The following VSNL1 variants were observed in gnomAD, a reference collection of about 807,000 sequenced individuals.
VSNL1 encodes visinin like 1.
VSNL1 carries 6 observed loss-of-function variants against 20.4 expected under a neutral mutation model. The ratio of observed to expected loss-of-function variants is 0.29; its 90% confidence interval spans 0.16 to 0.58. The LOEUF (loss-of-function observed/expected upper bound fraction) is 0.58. Among genes scored for constraint, VSNL1 ranks in the 20% least tolerant of loss-of-function variants. The probability of loss-of-function intolerance (pLI) is 0.90; values close to 1 mark genes in which losing one functional copy is unlikely to be tolerated. For missense variants in VSNL1, 100 were observed against 234.5 expected, an observed-to-expected ratio of 0.43 and a Z score of 3.75; for synonymous variants, 93 against 86.4, an observed-to-expected ratio of 1.08 and a Z score of -0.42.
chr2:17,642,676 T>C (rs1357670679), intron 2 of VSNL1, among the ~76,000 whole-genome samples: 2 of 152,180 alleles, frequency 1.3e-5, no homozygotes, highest in Non-Finnish European at 2.9e-5. Context: ...TCATTCTCAT[T>C]TTTTATAAAA....
At chr2:17,643,929 G>A (rs1446847891) in intron 2 of VSNL1, among the ~76,000 whole-genome samples, 1 of 152,138 alleles carries the variant, frequency 6.6e-6, no homozygotes, top group African/African-American at 2.4e-5. Context: ...ACCAGAAGCT[G>A]GACACAGAGG....
rs77474964 is a variant in VSNL1, at chr2:17,569,485, C to G, written c.-5-22585C>G. On this transcript the variant is annotated intron_variant, in intron 1 of 3. Coordinates refer to ENST00000295156, the MANE Select transcript of VSNL1 (RefSeq NM_003385.5). Reference sequence around the variant, plus strand: ...TCCATGGTTTAATTTCTCTCCTACTCTCTGTCTTATCTCGCTTTGGAGCTA... The same window carrying G: ...TCCATGGTTTAATTTCTCTCCTACTGTCTGTCTTATCTCGCTTTGGAGCTA... Among the ~76,000 whole-genome samples, 10 of 152,056 alleles carry G rather than the reference C, an allele frequency of 6.6e-5. No homozygotes were observed. The South Asian group carries it at 2.1e-3, about 32-fold the overall frequency.
intron 1 of VSNL1, among the ~76,000 whole-genome samples, chr2:17,577,736 A>T (rs141435958): frequency 2.0e-5 from 3 of 152,206 alleles, no homozygotes; most frequent in African/African-American, 7.2e-5. Context: ...GAGTTCCCTC[A>T]CTTGGGGAAA....
chr2:17,643,173 G>A (rs1055360632), intron 2 of VSNL1, among the ~76,000 whole-genome samples: 3 of 152,174 alleles, frequency 2.0e-5, no homozygotes, highest in African/African-American at 4.8e-5. Flanking sequence ...TCTCCCTCCT[G>A]CCCTCACAAA....
chr2:17,644,131 A>G (rs1176666899), intron 2 of VSNL1, among the ~76,000 whole-genome samples: 1 of 151,418 alleles, frequency 6.6e-6, no homozygotes, highest in African/African-American at 2.4e-5. Context: ...CAATGAATGT[A>G]CCACTACAAT....
chr2:17,605,517 C>T (rs548009314), intron 2 of VSNL1, among the ~76,000 whole-genome samples: 132 of 152,336 alleles, frequency 8.7e-4, no homozygotes, highest in African/African-American at 2.9e-3. Context: ...CCTTGAGCCC[C>T]TCCGCAGCAG....
intron 2 of VSNL1, among the ~76,000 whole-genome samples, chr2:17,637,122 C>T: frequency 6.6e-6 from 1 of 152,194 alleles, no homozygotes; most frequent in East Asian, 1.9e-4. Flanking sequence ...CTCTTCCCCT[C>T]CCTTCCCCTT....
chr2:17,649,103 G>A lies in VSNL1; in HGVS notation c.163-307G>A, dbSNP rs1219313064. On this transcript the variant is annotated intron_variant, in intron 2 of 3. Transcript: ENST00000295156. The surrounding 1 kb of genome is among the most constrained non-coding windows in gnomAD (Gnocchi z 6.4). ...CCTCAGTCCTGTTCCTGGGGGGAGT[G>A]AGCTGAGATGCTGCAACACTAGCAT... is the stretch of plus-strand genomic sequence containing the variant. 1.3e-5 allele frequency among the ~76,000 whole-genome samples: 2 copies of A among 152,148 alleles called. No homozygotes were observed. Among genetic ancestry groups the A allele is most frequent in the African/African-American group, 4.8e-5 (2 of 41,432 alleles).
chr2:17,572,119 ATAATAGCACC>A lies in VSNL1; in HGVS notation c.-5-19949_-5-19940del, dbSNP rs972333777. On this transcript the variant is annotated intron_variant, in intron 1 of 3. Coordinates refer to ENST00000295156, the MANE Select transcript of VSNL1 (RefSeq NM_003385.5). ...AACAATGCCTGTTGTCCTGGTGTAA[ATAATAGCACC>A]TCCTTTCACTCTCAAAGTATGCTTT... is the stretch of plus-strand genomic sequence containing the variant. 4.9e-4 allele frequency among the ~76,000 whole-genome samples: 75 copies of A among 152,322 alleles called. 1 individual carries two copies. The highest frequency in any genetic ancestry group is 1.7e-3 in the African/African-American group (70 of 41,568).
intron 1 of VSNL1, among the ~76,000 whole-genome samples, chr2:17,568,822 T>A (rs1206922733): frequency 2.0e-5 from 3 of 152,206 alleles, no homozygotes; most frequent in African/African-American, 7.2e-5. Context: ...TCATTTTGAA[T>A]AAACTTTAAC....
intron 2 of VSNL1, among the ~76,000 whole-genome samples, chr2:17,599,803 C>CA (rs1447606747): frequency 3.3e-5 from 5 of 152,232 alleles, no homozygotes; most frequent in African/African-American, 9.6e-5. Flanking sequence ...TGAGTGGAGA[C>CA]AAACACCTGA....
At chr2:17,573,728 GT>G (rs1400515679) in intron 1 of VSNL1, among the ~76,000 whole-genome samples, 1 of 152,190 alleles carries the variant, frequency 6.6e-6, no homozygotes, top group African/African-American at 2.4e-5. Flanking sequence ...CCTACTTGGT[GT>G]TTTTGTTGAT....
At chr2:17,621,634 T>G (rs534988337) in intron 2 of VSNL1, among the ~76,000 whole-genome samples, 1 of 152,310 alleles carries the variant, frequency 6.6e-6, no homozygotes, top group East Asian at 1.9e-4. Flanking sequence ...TCTTTTGTTT[T>G]ATTTTTTAAT....
chr2:17,610,687 A>G (rs748010509), intron 2 of VSNL1, among the ~76,000 whole-genome samples: 17 of 152,210 alleles, frequency 1.1e-4, no homozygotes, highest in Non-Finnish European at 2.1e-4. Context: ...GCCTTTTATC[A>G]GAACAGCCCT....
chr2:17,602,771 AAAAAT>A (rs1170664824), intron 2 of VSNL1, among the ~76,000 whole-genome samples: 26 of 90,522 alleles, frequency 2.9e-4, no homozygotes, highest in African/African-American at 6.0e-4. Flanking sequence ...AATAAAATAA[AAAAAT>A]AAAATAAAAT....
At chr2:17,601,714 C>T (rs560253489) in intron 2 of VSNL1, among the ~76,000 whole-genome samples, 24 of 152,008 alleles carry the variant, frequency 1.6e-4, no homozygotes, top group Non-Finnish European at 3.1e-4. Flanking sequence ...ATGGGCGAAT[C>T]ACATGAGGTC....
chr2:17,616,152 TCA>T (rs1271053335), intron 2 of VSNL1, among the ~76,000 whole-genome samples: 1 of 152,240 alleles, frequency 6.6e-6, no homozygotes, highest in African/African-American at 2.4e-5. Context: ...CATGGGTGGC[TCA>T]CAGTCCCCAG....
intron 1 of VSNL1, among the ~76,000 whole-genome samples, chr2:17,543,383 T>C (rs1019261861): frequency 6.6e-6 from 1 of 152,216 alleles, no homozygotes; most frequent in Non-Finnish European, 1.5e-5. Flanking sequence ...TCAAAGACAC[T>C]GCAGTTACAT....
intron 2 of VSNL1, among the ~76,000 whole-genome samples, chr2:17,612,215 C>A (rs1465827762): frequency 6.6e-6 from 1 of 152,154 alleles, no homozygotes; most frequent in Non-Finnish European, 1.5e-5. Flanking sequence ...TTTTTGGAGG[C>A]TGAAGCCTCT....
Sources: gnomAD v4.1 joint callset for allele counts (sites outside exome capture counted in the v4.1 genomes callset) on GRCh38, gnomAD v4.1.1 for gene constraint, Gnocchi (gnomAD v3.1) non-coding constraint, MANE v1.5 for transcripts, NCBI Gene and HGNC (gene_info 2026-07-23, HGNC 2026-07-21) for gene names.